NCKAP5: variants seen among roughly 807,000 people sequenced by gnomAD.
NCKAP5 encodes the protein NCK associated protein 5.
In NCKAP5, 92 loss-of-function variants were observed where a neutral mutation model predicts 167.0. The ratio of observed to expected loss-of-function variants is 0.55; its 90% CI spans 0.47 to 0.66. The LOEUF is 0.66. Among genes scored for constraint, NCKAP5 ranks in the 30% least tolerant of loss-of-function variants. The probability of loss-of-function intolerance (pLI) is 0.00; values close to 1 mark genes in which losing one functional copy is unlikely to be tolerated. For missense variants in NCKAP5, 2,378 were observed against 2,315.0 expected (o/e 1.03, Z -0.56); for synonymous variants, 891 against 877.4 (o/e 1.02, Z -0.27).
chr2:132,952,052 A>T (rs1048390155), intron 8 of NCKAP5, among the ~76,000 whole-genome samples: 4 of 152,224 alleles, frequency 2.6e-5, no homozygotes, highest in African/African-American at 9.6e-5. Flanking sequence ...ATAACTAAGC[A>T]AACTGAATCC....
chr2:133,497,995 T>C (rs1682088736), intron 3 of NCKAP5, among the ~76,000 whole-genome samples: 1 of 152,214 alleles, frequency 6.6e-6, no homozygotes, highest in Non-Finnish European at 1.5e-5. Context: ...TCTATTCAGA[T>C]ATCCAACAAG....
chr2:133,258,368 G>C (rs1055562641), intron 4 of NCKAP5, among the ~76,000 whole-genome samples: 8 of 152,086 alleles, frequency 5.3e-5, no homozygotes, highest in African/African-American at 1.9e-4. Context: ...CATCACCTCT[G>C]ACTCAAAATT....
intron 2 of NCKAP5, among the ~76,000 whole-genome samples, chr2:133,533,329 A>G (rs903551901): frequency 6.6e-5 from 10 of 152,236 alleles, no homozygotes; most frequent in Non-Finnish European, 8.8e-5. Context: ...AATCCAGATC[A>G]TCTATGTAAA....
chr2:133,048,927 A>G (rs1245964279), intron 6 of NCKAP5, among the ~76,000 whole-genome samples: 2 of 152,168 alleles, frequency 1.3e-5, no homozygotes, highest in Non-Finnish European at 2.9e-5. Flanking sequence ...CAGGGGTCAG[A>G]CTTTGAACCC....
rs189925471 is a variant in NCKAP5, at chr2:132,818,959, C to T, written c.808-22230G>A. 3.0e-4 allele frequency among the ~76,000 whole-genome samples: 46 copies of T among 152,316 alleles called. No individual in the cohort carries two copies. The East Asian group carries it at 4.6e-3, about 15-fold the overall frequency. On this transcript the variant is annotated intron_variant, in intron 11 of 19. Coordinates refer to ENST00000409261, the MANE Select transcript of NCKAP5 (RefSeq NM_207363.3). ...TTTCATGCTTTAGAAAGGAAGCACACGTATTACCATCTCATATATGTTTTT... is the reference window on the plus strand; with the variant it reads ...TTTCATGCTTTAGAAAGGAAGCACATGTATTACCATCTCATATATGTTTTT...
At chr2:133,637,155 A>T in the NCKAP5 span, among the ~76,000 whole-genome samples, 130 of 152,142 alleles carry the variant, frequency 8.5e-4, no homozygotes, top group African/African-American at 3.0e-3. Context: ...AATCTATCAA[A>T]CCTACTTTCC....
chr2:133,258,644 C>T (rs556838070), intron 4 of NCKAP5, among the ~76,000 whole-genome samples: 1 of 151,802 alleles, frequency 6.6e-6, no homozygotes, highest in East Asian at 1.9e-4. Context: ...ACTAGGGAGG[C>T]TGAGGTGGGA....
chr2:132,952,256 T>C (rs1558982434), intron 8 of NCKAP5, among the ~76,000 whole-genome samples: 1 of 152,208 alleles, frequency 6.6e-6, no homozygotes, highest in Non-Finnish European at 1.5e-5. Flanking sequence ...AGAATATTTA[T>C]GGAGATTAGT....
At chr2:133,389,179 G>GC (rs1296184750) in intron 3 of NCKAP5, among the ~76,000 whole-genome samples, 3 of 152,140 alleles carry the variant, frequency 2.0e-5, no homozygotes, top group African/African-American at 7.2e-5. Flanking sequence ...TCTTGGAACT[G>GC]CCCCCCACAT....
chr2:132,834,014 G>A (rs796261794), intron 11 of NCKAP5, among the ~76,000 whole-genome samples: 7 of 152,184 alleles, frequency 4.6e-5, no homozygotes, highest in African/African-American at 1.7e-4. Context: ...ACTTGTTTGT[G>A]TCATTTTCAA....
At chr2:132,983,858 T>C (rs567764156) in intron 7 of NCKAP5, among the ~76,000 whole-genome samples, 5 of 152,152 alleles carry the variant, frequency 3.3e-5, no homozygotes, top group Non-Finnish European at 5.9e-5. Flanking sequence ...GCCCTTCCCC[T>C]CCCAGGCCAC....
At chr2:133,669,785 T>A in the NCKAP5 span, among the ~76,000 whole-genome samples, 25 of 152,208 alleles carry the variant, frequency 1.6e-4, no homozygotes, top group African/African-American at 5.8e-4. Flanking sequence ...ACCTTGTGTA[T>A]ACCTTCTTTA....
At position 132,786,841 on chromosome 2, in the gene NCKAP5, T is replaced by G. The variant is rs141578209; in HGVS notation, c.1093-1123A>C. ...CAGGCTCTTTCTATAGTACGTCGGT[T>G]TTGACTCAGTTCAAAAGTGGCAGTG... On this transcript the variant is annotated intron_variant, in intron 13 of 19. Transcript: ENST00000409261. 2.4e-4 allele frequency among the ~76,000 whole-genome samples: 36 copies of G among 152,278 alleles called. No homozygotes were observed. The East Asian group carries it at 6.8e-3, about 29-fold the overall frequency.
At chr2:132,795,473 A>T (rs934147687) in intron 12 of NCKAP5, among the ~76,000 whole-genome samples, 2 of 152,172 alleles carry the variant, frequency 1.3e-5, no homozygotes, top group African/African-American at 4.8e-5. Context: ...TACTTTAAAC[A>T]TTCTTACTGT....
chr2:132,799,820 C>A (rs981144799), intron 11 of NCKAP5, among the ~76,000 whole-genome samples: 1 of 151,784 alleles, frequency 6.6e-6, no homozygotes, highest in Non-Finnish European at 1.5e-5. Context: ...TATGGGGGTG[C>A]ATGTGATGTT....
At chr2:132,769,149 T>C (rs186754916) in intron 16 of NCKAP5, among the ~76,000 whole-genome samples, 1 of 151,970 alleles carries the variant, frequency 6.6e-6, no homozygotes, top group East Asian at 1.9e-4. Flanking sequence ...GATCTCACTA[T>C]GTTGCTCAGG....
the NCKAP5 span, among the ~76,000 whole-genome samples, chr2:133,658,902 C>T: frequency 2.0e-5 from 3 of 151,788 alleles, no homozygotes; most frequent in African/African-American, 7.3e-5. Flanking sequence ...TTGTAGGAAA[C>T]TCCTTGGTTT....
chr2:133,600,842 G>T, the NCKAP5 span, among the ~76,000 whole-genome samples: 5 of 152,202 alleles, frequency 3.3e-5, no homozygotes, highest in South Asian at 1.0e-3. Flanking sequence ...CTTAGAAGGG[G>T]TCACTGATTT....
intron 6 of NCKAP5, among the ~76,000 whole-genome samples, chr2:133,090,435 C>T (rs1286433554): frequency 9.9e-5 from 15 of 151,910 alleles, no homozygotes; most frequent in Admixed American, 9.8e-4. Flanking sequence ...GTTGTGGAGG[C>T]AGTGGGAGAC....
Sources: gnomAD v4.1 joint callset for allele counts (sites outside exome capture counted in the v4.1 genomes callset) on GRCh38, gnomAD v4.1.1 for gene constraint, MANE v1.5 for transcripts, NCBI Gene and HGNC (gene_info 2026-07-23, HGNC 2026-07-21) for gene names.